The following RGS7 variants were observed in gnomAD, a reference collection of about 807,000 sequenced individuals.
RGS7 encodes the protein regulator of G protein signaling 7, also known as regulator of G-protein signaling 7.
Under a neutral mutation model 81.1 loss-of-function variants are expected in RGS7, and 27 were observed. The observed-to-expected ratio is 0.33, with a 90% CI of 0.25 to 0.46. The LOEUF (loss-of-function observed/expected upper bound fraction) is 0.46, where lower values mean the gene tolerates loss of function less well. Ranked by LOEUF, RGS7 falls within the 20% of genes least tolerant of loss-of-function variation. The pLI is 1.00. For missense variants in RGS7, 396 were observed against 607.4 expected, an observed-to-expected ratio of 0.65 and a Z score of 3.66; for synonymous variants, 208 against 207.7, an observed-to-expected ratio of 1.00 and a Z score of -0.01.
At chr1:240,993,254 A>C (rs1205172858) in intron 3 of RGS7, among the ~76,000 whole-genome samples, 2 of 151,636 alleles carry the variant, frequency 1.3e-5, no homozygotes, top group Admixed American at 1.3e-4. Context: ...GAGAGGAAAG[A>C]AAGAAAGAAA....
intron 10 of RGS7, among the ~76,000 whole-genome samples, chr1:240,825,795 C>G (rs1377102560): frequency 1.3e-5 from 2 of 152,156 alleles, no homozygotes; most frequent in Non-Finnish European, 2.9e-5. Context: ...GAAAGATGAT[C>G]TATACTGAAT....
chr1:241,126,480 T>C (rs10158313), intron 2 of RGS7, among the ~76,000 whole-genome samples: 2 of 152,132 alleles, frequency 1.3e-5, no homozygotes, highest in Admixed American at 6.5e-5. Flanking sequence ...TAATGGGGCA[T>C]GGGAGTTCAT....
At chr1:240,781,521 C>T (rs539913866) in intron 18 of RGS7, among the ~76,000 whole-genome samples, 2 of 152,166 alleles carry the variant, frequency 1.3e-5, no homozygotes, top group African/African-American at 4.8e-5. Context: ...CAGGGAGAAT[C>T]GCTTGAACCC....
At chr1:241,205,928 T>C (rs1203547830) in intron 2 of RGS7, among the ~76,000 whole-genome samples, 1 of 152,078 alleles carries the variant, frequency 6.6e-6, no homozygotes, top group East Asian at 1.9e-4. Context: ...ACAGCTGACT[T>C]GTTAGAACTG....
intron 4 of RGS7, among the ~76,000 whole-genome samples, chr1:240,955,551 CAAAAAAAAA>C (rs369155474): frequency 2.8e-4 from 39 of 140,304 alleles, no homozygotes; most frequent in African/African-American, 8.7e-4. Flanking sequence ...GACTCTGTCT[CAAAAAAAAA>C]AAAAAAAAAA....
At chr1:241,238,495 C>G (rs1466496343) in intron 2 of RGS7, among the ~76,000 whole-genome samples, 1 of 152,024 alleles carries the variant, frequency 6.6e-6, no homozygotes, top group Non-Finnish European at 1.5e-5. Flanking sequence ...TTTATATATA[C>G]TATTTTCCTT....
At chr1:240,834,561 A>T (rs1450982021) in intron 9 of RGS7, among the ~76,000 whole-genome samples, 1 of 152,104 alleles carries the variant, frequency 6.6e-6, no homozygotes, top group Non-Finnish European at 1.5e-5. Flanking sequence ...CCCAGACTGG[A>T]GTGCAGGGGC....
chr1:241,240,270 A>T (rs772378529), intron 2 of RGS7, among the ~76,000 whole-genome samples: 14 of 152,222 alleles, frequency 9.2e-5, no homozygotes, highest in South Asian at 4.1e-4. Flanking sequence ...CAGAATGAGA[A>T]GCATGACATG....
chr1:240,982,520 C>A (rs934248199), intron 4 of RGS7, among the ~76,000 whole-genome samples: 9 of 151,276 alleles, frequency 5.9e-5, no homozygotes, highest in African/African-American at 2.2e-4. Flanking sequence ...AAAATTGTTC[C>A]CTTACTTTGG....
chr1:241,247,960 T>C (rs2076631002), intron 2 of RGS7, among the ~76,000 whole-genome samples: 1 of 152,206 alleles, frequency 6.6e-6, no homozygotes, highest in South Asian at 2.1e-4. Context: ...ATAGTGTTTC[T>C]TGAGTTTTCT....
intron 2 of RGS7, among the ~76,000 whole-genome samples, chr1:241,099,956 T>C (rs2102891758): frequency 6.6e-6 from 1 of 152,332 alleles, no homozygotes; most frequent in East Asian, 1.9e-4. Context: ...GATATTAACA[T>C]TAAGGGAAGC....
intron 3 of RGS7, among the ~76,000 whole-genome samples, chr1:240,997,436 C>A (rs1687462416): frequency 6.6e-6 from 1 of 152,104 alleles, no homozygotes; most frequent in Non-Finnish European, 1.5e-5. Flanking sequence ...TTTACTCTCC[C>A]CAATTTTTAA....
At chr1:241,078,485 A>ATACGTGTGTGTGTGTGTGTGTG (rs145183501) in intron 3 of RGS7, among the ~76,000 whole-genome samples, 1 of 143,564 alleles carries the variant, frequency 7.0e-6, no homozygotes, top group Non-Finnish European at 1.5e-5. Context: ...CACGTAAGTT[A>ATACGTGTGTGTGTGTGTGTGTG]TGTGTGTGTG....
chr1:240,965,001 A>G (rs1484230809), intron 4 of RGS7, among the ~76,000 whole-genome samples: 1 of 152,206 alleles, frequency 6.6e-6, no homozygotes, highest in South Asian at 2.1e-4. Flanking sequence ...ACTTTATCAG[A>G]TACGTTGATG....
At chr1:241,234,604 A>G (rs1247904164) in intron 2 of RGS7, among the ~76,000 whole-genome samples, 1 of 152,126 alleles carries the variant, frequency 6.6e-6, no homozygotes, top group African/African-American at 2.4e-5. Flanking sequence ...GGGCAAAGCA[A>G]CAATAGGAGG....
chr1:240,874,533 C>A (rs1331471520), intron 6 of RGS7, among the ~76,000 whole-genome samples: 1 of 152,152 alleles, frequency 6.6e-6, no homozygotes, highest in African/African-American at 2.4e-5. Flanking sequence ...TGGTATGTAA[C>A]AAAAATAAAT....
chr1:241,148,844 G>T (rs1370871287), intron 2 of RGS7, among the ~76,000 whole-genome samples: 1 of 152,256 alleles, frequency 6.6e-6, no homozygotes, highest in East Asian at 1.9e-4. Flanking sequence ...TTACATGCAT[G>T]TAGATTACTG....
intron 14 of RGS7, among the ~76,000 whole-genome samples, chr1:240,811,163 A>G (rs1689784171): frequency 6.6e-6 from 1 of 152,220 alleles, no homozygotes; most frequent in South Asian, 2.1e-4. Context: ...AAAAGTAAAA[A>G]TTGGGCATCA....
intron 2 of RGS7, among the ~76,000 whole-genome samples, chr1:241,143,226 C>T (rs574413148): frequency 3.1e-4 from 47 of 152,312 alleles, no homozygotes; most frequent in African/African-American, 1.1e-3. Context: ...CTATTCCAAC[C>T]TCTGCCTGTT....
Sources: allele counts gnomAD v4.1 joint callset (sites outside exome capture counted in the v4.1 genomes callset), GRCh38; gene constraint gnomAD v4.1.1; transcripts MANE v1.5; gene names NCBI Gene and HGNC (gene_info 2026-07-23, HGNC 2026-07-21).